Variants in SOX6 observed in about 807,000 individuals in gnomAD.
SOX6 encodes the protein transcription factor SOX-6.
A neutral mutation model predicts 97.8 loss-of-function variants in SOX6; 11 were observed. The ratio of observed to expected loss-of-function variants is 0.11; its 90% CI spans 0.07 to 0.19. The LOEUF (loss-of-function observed/expected upper bound fraction) is 0.19, where lower values mean the gene tolerates loss of function less well. SOX6 is among the 10% of genes least tolerant of loss of function. The probability of loss-of-function intolerance (pLI) is 1.00; values close to 1 mark genes in which losing one functional copy is unlikely to be tolerated. For synonymous variants in SOX6, 360 were observed against 371.4 expected (o/e 0.97, Z 0.35); for missense variants, 810 against 1,039.5 (o/e 0.78, Z 3.04).
intron 7 of SOX6, among the ~76,000 whole-genome samples, chr11:16,106,951 A>G (rs538116583): frequency 6.6e-6 from 1 of 152,262 alleles, no homozygotes; most frequent in South Asian, 2.1e-4. Flanking sequence ...TCTCCACAGG[A>G]GATATCCAAA....
At chr11:16,280,205 C>T (rs527644284) in intron 3 of SOX6, among the ~76,000 whole-genome samples, 1 of 152,106 alleles carries the variant, frequency 6.6e-6, no homozygotes, top group South Asian at 2.1e-4. Flanking sequence ...AATGCAGATA[C>T]AGTAATTTTG....
chr11:16,007,533 A>G (rs1451589401), intron 13 of SOX6, among the ~76,000 whole-genome samples: 4 of 152,138 alleles, frequency 2.6e-5, no homozygotes, highest in African/African-American at 9.7e-5. Flanking sequence ...TTATCAGAAC[A>G]TGAAGAAAAG....
chr11:16,286,509 T>A (rs189746431), intron 3 of SOX6, among the ~76,000 whole-genome samples: 150 of 152,300 alleles, frequency 9.8e-4, no homozygotes, highest in African/African-American at 3.3e-3. Flanking sequence ...CTATATGCTC[T>A]CTCTATATAG....
intron 2 of SOX6, among the ~76,000 whole-genome samples, chr11:16,719,711 T>C (rs2134052752): frequency 6.6e-6 from 1 of 152,086 alleles, no homozygotes; most frequent in East Asian, 1.9e-4. Flanking sequence ...ATTGCTTGAG[T>C]CCAGGAGTTC....
At chr11:16,544,820 TAGC>T (rs1847599023) in intron 4 of SOX6, among the ~76,000 whole-genome samples, 1 of 152,086 alleles carries the variant, frequency 6.6e-6, no homozygotes. Context: ...ATTATTAAAT[TAGC>T]AGGTACAATG....
At position 16,212,241 on chromosome 11, in the gene SOX6, A is replaced by G. The variant is rs547838530; in HGVS notation, c.535+22341T>C. Among the ~76,000 whole-genome samples the G allele has an allele frequency of 1.2e-4, 19 of 152,258 alleles. No homozygotes were observed. In the South Asian group the frequency reaches 3.9e-3, roughly 32 times the overall value. On this transcript the variant is annotated intron_variant, in intron 4 of 15. Transcript: ENST00000683767. ...ATACCAGAAGATGATGACAAATCAC[A>G]TTTATCCAGCAGTCTCCTGTGCCTC...
At chr11:15,997,696 A>G (rs1854268020) in intron 13 of SOX6, among the ~76,000 whole-genome samples, 1 of 152,250 alleles carries the variant, frequency 6.6e-6, no homozygotes, top group Non-Finnish European at 1.5e-5. Flanking sequence ...GATAAAGGGC[A>G]TTTAAGAAAA....
intron 3 of SOX6, among the ~76,000 whole-genome samples, chr11:16,270,638 A>AC (rs1554951575): frequency 1.3e-4 from 12 of 90,024 alleles, no homozygotes; most frequent in Non-Finnish European, 2.4e-4. Context: ...AAAATGTAAT[A>AC]ACACACACAC....
At chr11:16,263,980 C>T (rs374430142) in intron 3 of SOX6, among the ~76,000 whole-genome samples, 16 of 152,020 alleles carry the variant, frequency 1.1e-4, no homozygotes, top group African/African-American at 3.4e-4. Flanking sequence ...CCACCCACTA[C>T]CCCTATACAT....
intron 1 of SOX6, among the ~76,000 whole-genome samples, chr11:16,387,525 T>G (rs1858026538): frequency 6.6e-6 from 1 of 152,106 alleles, no homozygotes; most frequent in African/African-American, 2.4e-5. Flanking sequence ...GGTAGATTAT[T>G]CATAAAAGAA....
At chr11:16,350,594 C>T (rs1174487026) in intron 1 of SOX6, among the ~76,000 whole-genome samples, 1 of 152,032 alleles carries the variant, frequency 6.6e-6, no homozygotes, top group Non-Finnish European at 1.5e-5. Context: ...TGAAATTATA[C>T]TCCTACAGAG....
chr11:16,496,896 T>A (rs970192314), intron 4 of SOX6, among the ~76,000 whole-genome samples: 3 of 151,888 alleles, frequency 2.0e-5, no homozygotes, highest in African/African-American at 7.3e-5. Context: ...CTGGGGAGAG[T>A]GCATAGCCAG....
chr11:16,302,307 T>C (rs904818740), intron 3 of SOX6, among the ~76,000 whole-genome samples: 1 of 152,216 alleles, frequency 6.6e-6, no homozygotes, highest in African/African-American at 2.4e-5. Context: ...TCTGTAATAA[T>C]GGCTTCAACA....
intron 6 of SOX6, among the ~76,000 whole-genome samples, chr11:16,176,717 G>C (rs578110535): frequency 2.0e-5 from 3 of 151,998 alleles, no homozygotes; most frequent in East Asian, 3.9e-4. Context: ...AGAATGTAAT[G>C]ACATTTTAGA....
intron 10 of SOX6, among the ~76,000 whole-genome samples, chr11:16,053,520 G>A (rs1847736721): frequency 6.6e-6 from 1 of 152,054 alleles, no homozygotes; most frequent in African/African-American, 2.4e-5. Context: ...ATACTAGAGG[G>A]TGTATTTAAG....
At chr11:16,507,436 A>T (rs1019609749) in intron 4 of SOX6, among the ~76,000 whole-genome samples, 3 of 152,166 alleles carry the variant, frequency 2.0e-5, no homozygotes, top group African/African-American at 7.2e-5. Flanking sequence ...TTATGAAACT[A>T]AAAAAAGGGC....
intron 4 of SOX6, among the ~76,000 whole-genome samples, chr11:16,583,614 C>CATACATATATAT (rs1554976094): frequency 5.3e-4 from 56 of 104,716 alleles, no homozygotes; most frequent in African/African-American, 1.8e-3. Context: ...TATATATATA[C>CATACATATATAT]ATATATATAT....
At chr11:16,479,246 G>A (rs972214397), upstream of SOX6, among the ~76,000 whole-genome samples, 1 of 152,100 alleles carries the variant, frequency 6.6e-6, no homozygotes, top group Non-Finnish European at 1.5e-5. Flanking sequence ...CAATGCACAA[G>A]GGGCCAAGAG....
intron 3 of SOX6, among the ~76,000 whole-genome samples, chr11:16,641,469 T>G (rs917387768): frequency 1.3e-5 from 2 of 152,130 alleles, no homozygotes; most frequent in African/African-American, 4.8e-5. Context: ...CTTGTTAACT[T>G]TCTGTCTCAT....
Sources: allele counts gnomAD v4.1 joint callset (sites outside exome capture counted in the v4.1 genomes callset), GRCh38; gene constraint gnomAD v4.1.1; transcripts MANE v1.5; gene names NCBI Gene and HGNC (gene_info 2026-07-23, HGNC 2026-07-21).